Variants in HCN1 observed in about 807,000 individuals in gnomAD.
The protein encoded by HCN1 is hyperpolarization activated cyclic nucleotide gated potassium channel 1, also known as potassium/sodium hyperpolarization-activated cyclic nucleotide-gated channel 1.
Under a neutral mutation model 78.9 loss-of-function variants are expected in HCN1, and 13 were observed. That is an observed-to-expected ratio of 0.16 (90% confidence interval 0.11 to 0.26). The LOEUF is 0.26. Ranked by LOEUF, HCN1 falls within the 10% of genes least tolerant of loss-of-function variation. The pLI is 1.00. For missense variants in HCN1, 810 were observed against 1,154.3 expected, an observed-to-expected ratio of 0.70 and a Z score of 4.32; for synonymous variants, 552 against 455.5, an observed-to-expected ratio of 1.21 and a Z score of -2.70.
chr5:45,326,844 GCATAGTCCCACTGCTTTGCCTTACTAGAA>G (rs1259334723), intron 5 of HCN1, among the ~76,000 whole-genome samples: 8 of 151,514 alleles, frequency 5.3e-5, no homozygotes, highest in African/African-American at 1.9e-4. Flanking sequence ...TTTTGTCTTA[GCATAGTCCCACTGCTTTGCCTTACTAGAA>G]CATAGGGACA....
At chr5:45,550,210 C>A (rs551011771) in intron 2 of HCN1, among the ~76,000 whole-genome samples, 52 of 152,108 alleles carry the variant, frequency 3.4e-4, no homozygotes, top group African/African-American at 1.2e-3. Flanking sequence ...ATGTTTATTG[C>A]GGCACTATTC....
In HCN1 at chr5:45,407,713, G is replaced by A. The variant is rs147167214; in HGVS notation, c.1012-11003C>T. ...TTTTTGTATTTTTAGTAGAGATGGT[G>A]TTTTACCACTGGTCTCGAACTCCTG... On this transcript the variant is annotated intron_variant, in intron 3 of 7. Coordinates refer to ENST00000303230, the MANE Select transcript of HCN1 (RefSeq NM_021072.4). 1.7e-3 allele frequency among the ~76,000 whole-genome samples: 265 copies of A among 152,054 alleles called. 1 individual carries two copies. The highest frequency in any genetic ancestry group is 6.2e-3 in the African/African-American group (256 of 41,498).
chr5:45,292,055 C>T (rs1167675823), intron 6 of HCN1, among the ~76,000 whole-genome samples: 2 of 151,450 alleles, frequency 1.3e-5, no homozygotes, highest in Admixed American at 1.3e-4. Context: ...AGTGTATTTT[C>T]AATATCCATT....
chr5:45,330,937 A>T (rs1266469142), intron 5 of HCN1, among the ~76,000 whole-genome samples: 2 of 151,284 alleles, frequency 1.3e-5, no homozygotes, highest in African/African-American at 4.8e-5. Flanking sequence ...AAAAACTTTA[A>T]AAATGTTATT....
chr5:45,584,064 G>A (rs1172889462), intron 2 of HCN1, among the ~76,000 whole-genome samples: 1 of 152,148 alleles, frequency 6.6e-6, no homozygotes, highest in Non-Finnish European at 1.5e-5. Flanking sequence ...GCAGAGCTGA[G>A]TTCAATTCCT....
rs139467409 is a variant in HCN1, at chr5:45,360,108, C to T, written c.1231-6862G>A. ...AATAAATAGTAATTATTAGAAATAT[C>T]ATTAAAAAGCAAACAGGTTAAAAAT... On this transcript the variant is annotated intron_variant, in intron 4 of 7. Transcript: ENST00000303230. 5.2e-4 allele frequency among the ~76,000 whole-genome samples: 78 copies of T among 151,058 alleles called. 1 individual carries two copies. Among genetic ancestry groups the T allele is most frequent in the African/African-American group, 1.7e-3 (69 of 41,296 alleles).
intron 3 of HCN1, among the ~76,000 whole-genome samples, chr5:45,440,200 C>A (rs1271032899): frequency 2.0e-5 from 3 of 151,792 alleles, no homozygotes; most frequent in Admixed American, 2.0e-4. Context: ...TTTATCTTCA[C>A]TGATTACTAT....
chr5:45,461,981 G>A lies in HCN1; in HGVS notation c.876C>T (p.Ala292=), dbSNP rs1741171103. Reference sequence around the variant, plus strand: ...GATTAAAAATTCTCACCACTGCACTGGCGAGATCATATGTCATGTGGAATA... The same window carrying A: ...GATTAAAAATTCTCACCACTGCACTAGCGAGATCATATGTCATGTGGAATA... ...EEIFHMTYDL[A]SAVVRIFNLI... The change falls in exon 3 of 8, where the codon GCC becomes GCT. Residue 292 remains alanine, a synonymous_variant. Transcript: ENST00000303230. 1.2e-6 allele frequency: 2 copies of A among 1,613,222 alleles called. No individual in the cohort carries two copies. The highest frequency in any genetic ancestry group is 1.3e-5 in the African/African-American group (1 of 74,954).
chr5:45,380,869 T>A (rs1747796285), intron 4 of HCN1, among the ~76,000 whole-genome samples: 1 of 152,152 alleles, frequency 6.6e-6, no homozygotes, highest in African/African-American at 2.4e-5. Context: ...TGAGATTAAT[T>A]ACCTTCCTTC....
At chr5:45,564,537 G>T (rs1743669701) in intron 2 of HCN1, among the ~76,000 whole-genome samples, 1 of 152,082 alleles carries the variant, frequency 6.6e-6, no homozygotes, top group Non-Finnish European at 1.5e-5. Context: ...CCTCCTAAAA[G>T]TGTCATGCCC....
intron 2 of HCN1, among the ~76,000 whole-genome samples, chr5:45,491,265 A>G (rs1579926862): frequency 1.3e-5 from 2 of 152,162 alleles, no homozygotes; most frequent in East Asian, 3.9e-4. Flanking sequence ...AAGCTAACTC[A>G]TACTTGGTAA....
At chr5:45,419,441 A>C (rs1579881604) in intron 3 of HCN1, among the ~76,000 whole-genome samples, 1 of 152,336 alleles carries the variant, frequency 6.6e-6, no homozygotes, top group East Asian at 1.9e-4. Flanking sequence ...CAGAATCAGA[A>C]GCCCTCTAAG....
chr5:45,688,956 G>A (rs1373328545), intron 1 of HCN1, among the ~76,000 whole-genome samples: 2 of 152,034 alleles, frequency 1.3e-5, no homozygotes, highest in African/African-American at 2.4e-5. Context: ...GACAGAGAGA[G>A]GATTAGTGGT....
intron 6 of HCN1, among the ~76,000 whole-genome samples, chr5:45,299,597 G>A (rs1032356543): frequency 2.0e-5 from 3 of 151,654 alleles, no homozygotes; most frequent in African/African-American, 4.8e-5. Flanking sequence ...TGTGTACTCA[G>A]TATTATGAAC....
At chr5:45,612,359 A>G (rs530717236) in intron 2 of HCN1, among the ~76,000 whole-genome samples, 3 of 152,300 alleles carry the variant, frequency 2.0e-5, no homozygotes, top group Non-Finnish European at 4.4e-5. Flanking sequence ...CTTCATAGGC[A>G]CTAAGTCTCT....
chr5:45,281,257 T>C (rs1745158356), intron 6 of HCN1, among the ~76,000 whole-genome samples: 1 of 151,910 alleles, frequency 6.6e-6, no homozygotes, highest in African/African-American at 2.4e-5. Context: ...GTTGTCATGG[T>C]AATGAGTGAG....
chr5:45,319,716 A>G (rs980598061), intron 5 of HCN1, among the ~76,000 whole-genome samples: 2 of 151,320 alleles, frequency 1.3e-5, no homozygotes, highest in Non-Finnish European at 3.0e-5. Flanking sequence ...TAGCTTTAGA[A>G]CTTCCAGAAA....
intron 2 of HCN1, among the ~76,000 whole-genome samples, chr5:45,580,107 G>A (rs572075637): frequency 6.6e-6 from 1 of 152,024 alleles, no homozygotes; most frequent in East Asian, 1.9e-4. Flanking sequence ...TGCCCTGAAA[G>A]GTTCCTATGT....
intron 2 of HCN1, among the ~76,000 whole-genome samples, chr5:45,485,332 A>G (rs1464828561): frequency 6.6e-6 from 1 of 152,146 alleles, no homozygotes; most frequent in Non-Finnish European, 1.5e-5. Context: ...CATGTAAACC[A>G]TGTTCCTTTC....
Sources: gnomAD v4.1 joint callset for allele counts (sites outside exome capture counted in the v4.1 genomes callset) on GRCh38, gnomAD v4.1.1 for gene constraint, MANE v1.5 for transcripts, NCBI Gene and HGNC (gene_info 2026-07-23, HGNC 2026-07-21) for gene names.